Variants in ANKS1B observed in about 807,000 individuals in gnomAD.
The protein encoded by ANKS1B is ankyrin repeat and sterile alpha motif domain containing 1B.
ANKS1B carries 36 observed loss-of-function variants against 148.3 expected under a neutral mutation model. The ratio of observed to expected loss-of-function variants is 0.24; its 90% CI spans 0.19 to 0.32. ANKS1B has a LOEUF of 0.32. Among genes scored for constraint, ANKS1B ranks in the 10% least tolerant of loss-of-function variants. The pLI is 1.00. For missense variants in ANKS1B, 1,157 were observed against 1,542.6 expected (o/e 0.75, Z 4.19); for synonymous variants, 542 against 560.8 (o/e 0.97, Z 0.47).
intron 1 of ANKS1B, among the ~76,000 whole-genome samples, chr12:99,960,260 A>G (rs1272721303): frequency 2.0e-5 from 3 of 152,230 alleles, no homozygotes; most frequent in Non-Finnish European, 4.4e-5. Context: ...GATAAGCTTT[A>G]CCCTTTTCTT....
chr12:99,512,955 T>C (rs1322837671), intron 9 of ANKS1B, among the ~76,000 whole-genome samples: 1 of 151,816 alleles, frequency 6.6e-6, no homozygotes, highest in Non-Finnish European at 1.5e-5. Context: ...CTAGGCTTAA[T>C]ACCTAGGTGA....
At chr12:99,559,449 G>C (rs1384844414) in intron 9 of ANKS1B, among the ~76,000 whole-genome samples, 2 of 152,058 alleles carry the variant, frequency 1.3e-5, no homozygotes, top group African/African-American at 4.8e-5. Flanking sequence ...ATAAATTCAA[G>C]TATTTATGTA....
chr12:99,687,616 C>T (rs1223372743), intron 8 of ANKS1B, among the ~76,000 whole-genome samples: 1 of 152,116 alleles, frequency 6.6e-6, no homozygotes, highest in African/African-American at 2.4e-5. Context: ...TTATTAATCT[C>T]ATCTAGTACA....
intron 1 of ANKS1B, among the ~76,000 whole-genome samples, chr12:99,871,413 T>A (rs895168924): frequency 1.3e-5 from 2 of 152,194 alleles, no homozygotes; most frequent in African/African-American, 2.4e-5. Context: ...TAGTTCCACA[T>A]GAATTTTAGA....
At chr12:99,756,520 C>T (rs980629730) in intron 8 of ANKS1B, among the ~76,000 whole-genome samples, 1 of 151,666 alleles carries the variant, frequency 6.6e-6, no homozygotes, top group Non-Finnish European at 1.5e-5. Context: ...AATTTAGATT[C>T]AATACTATTC....
chr12:99,478,284 A>G (rs567623846), intron 10 of ANKS1B, among the ~76,000 whole-genome samples: 65 of 152,212 alleles, frequency 4.3e-4, no homozygotes, highest in Non-Finnish European at 8.2e-4. Context: ...AAAGTAAAAT[A>G]TTTTAATTGC....
intron 9 of ANKS1B, among the ~76,000 whole-genome samples, chr12:99,584,908 T>A (rs965328088): frequency 2.6e-5 from 4 of 152,038 alleles, no homozygotes; most frequent in African/African-American, 9.7e-5. Context: ...ACATGGGGAT[T>A]ATGGGAGCTA....
chr12:99,960,754 T>C (rs1204138851), intron 1 of ANKS1B, among the ~76,000 whole-genome samples: 1 of 152,122 alleles, frequency 6.6e-6, no homozygotes, highest in African/African-American at 2.4e-5. Context: ...ATATTAAAAA[T>C]AGTAATAATG....
intron 12 of ANKS1B, among the ~76,000 whole-genome samples, chr12:99,369,869 T>C (rs2093025731): frequency 2.0e-5 from 3 of 151,600 alleles, no homozygotes; most frequent in Admixed American, 2.0e-4. Context: ...GATAGATAGA[T>C]AGATAGATAG....
At chr12:99,461,471 T>G (rs2095968464) in intron 10 of ANKS1B, among the ~76,000 whole-genome samples, 1 of 152,114 alleles carries the variant, frequency 6.6e-6, no homozygotes, top group Non-Finnish European at 1.5e-5. Context: ...AATCCCTGAA[T>G]AAAATATCAC....
chr12:99,565,392 C>A (rs994256591), intron 9 of ANKS1B, among the ~76,000 whole-genome samples: 4 of 152,108 alleles, frequency 2.6e-5, no homozygotes, highest in African/African-American at 4.8e-5. Context: ...CTTCTTCAAA[C>A]CCCCCAACCT....
At chr12:99,343,701 TTC>T (rs1468569637) in intron 12 of ANKS1B, 3 of 152,114 alleles carry the variant, frequency 2.0e-5, no homozygotes, top group Non-Finnish European at 4.4e-5. Context: ...AATTCTTGTC[TTC>T]TCTTTTATTT....
intron 6 of ANKS1B, among the ~76,000 whole-genome samples, chr12:99,776,116 T>C (rs1024006350): frequency 6.6e-6 from 1 of 152,170 alleles, no homozygotes; most frequent in Non-Finnish European, 1.5e-5. Context: ...ATGGAATAAG[T>C]TCATTTCAAA....
intron 17 of ANKS1B, among the ~76,000 whole-genome samples, chr12:98,972,983 T>G (rs897614313): frequency 6.6e-6 from 1 of 152,182 alleles, no homozygotes; most frequent in Non-Finnish European, 1.5e-5. Flanking sequence ...TGATTACAAA[T>G]ATAAGTTTAA....
intron 12 of ANKS1B, among the ~76,000 whole-genome samples, chr12:99,301,333 G>A (rs754039670): frequency 6.6e-5 from 10 of 151,962 alleles, no homozygotes; most frequent in East Asian, 1.9e-4. Context: ...TGGCCCTGTC[G>A]AGTTGACATA....
intron 17 of ANKS1B, among the ~76,000 whole-genome samples, chr12:98,883,248 G>A (rs1380338955): frequency 6.6e-6 from 1 of 152,188 alleles, no homozygotes; most frequent in African/African-American, 2.4e-5. Context: ...TGGATTCCAA[G>A]ATTGTGCATA....
chr12:99,383,147 TGAACATG>T (rs1332133966), intron 12 of ANKS1B, among the ~76,000 whole-genome samples: 1 of 152,202 alleles, frequency 6.6e-6, no homozygotes, highest in Non-Finnish European at 1.5e-5. Flanking sequence ...ACAGCTAGCG[TGAACATG>T]GAAACATACA....
chr12:99,313,309 C>T (rs1181123091), intron 12 of ANKS1B, among the ~76,000 whole-genome samples: 2 of 152,160 alleles, frequency 1.3e-5, no homozygotes, highest in East Asian at 3.8e-4. Context: ...CAGGATCAGA[C>T]AGATTCACAG....
At position 99,162,312 on chromosome 12, in the gene ANKS1B, CTTAAA is replaced by C. The variant is rs2076734272; in HGVS notation, c.2420-7922_2420-7918del. ...TGAATTGTACCTTTTAAATCAGTTACTTAAATTATATATATGTATTTATATAGTAT... is the reference window on the plus strand; with the variant it reads ...TGAATTGTACCTTTTAAATCAGTTACTTATATATATGTATTTATATAGTAT... On this transcript the variant is annotated intron_variant, in intron 14 of 26. Coordinates refer to ENST00000683438, the MANE Select transcript of ANKS1B (RefSeq NM_001352186.2). Among the ~76,000 whole-genome samples, 5 of 151,994 alleles carry C rather than the reference CTTAAA, an allele frequency of 3.3e-5. No homozygotes were observed. In the South Asian group the frequency reaches 8.3e-4, roughly 25 times the overall value.
Sources: gnomAD v4.1 joint callset for allele counts (sites outside exome capture counted in the v4.1 genomes callset) on GRCh38, gnomAD v4.1.1 for gene constraint, MANE v1.5 for transcripts, NCBI Gene and HGNC (gene_info 2026-07-23, HGNC 2026-07-21) for gene names.